The following UST variants were observed in gnomAD, a reference collection of about 807,000 sequenced individuals.
UST encodes uronyl 2-sulfotransferase.
UST carries 21 observed loss-of-function variants against 45.6 expected under a neutral mutation model. The ratio of observed to expected loss-of-function variants is 0.46; its 90% CI spans 0.33 to 0.66. UST has a LOEUF of 0.66. UST is among the 30% of genes least tolerant of loss of function. The pLI is 0.02. For missense variants in UST, 463 were observed against 512.4 expected (o/e 0.90, Z 0.93); for synonymous variants, 215 against 200.6 (o/e 1.07, Z -0.61).
chr6:148,943,339 A>G (rs551721149), intron 3 of UST, among the ~76,000 whole-genome samples: 1 of 152,318 alleles, frequency 6.6e-6, no homozygotes, highest in South Asian at 2.1e-4. Flanking sequence ...TAACTCAAGG[A>G]TTAGACATTG....
chr6:149,007,713 C>T (rs1775741355), intron 5 of UST, among the ~76,000 whole-genome samples: 3 of 151,960 alleles, frequency 2.0e-5, no homozygotes, highest in African/African-American at 4.8e-5. Context: ...CGTGAGCCAC[C>T]GCGCCCGACC....
chr6:148,993,440 A>ATCCT (rs141095805), intron 5 of UST, among the ~76,000 whole-genome samples: 4,674 of 152,302 alleles, frequency 0.031, 227 homozygotes, highest in African/African-American at 0.11. Context: ...CCAAACTAGC[A>ATCCT]TCCTTAGACT....
chr6:148,979,481 C>T (rs549087389), intron 5 of UST, among the ~76,000 whole-genome samples: 1 of 152,322 alleles, frequency 6.6e-6, no homozygotes, highest in African/African-American at 2.4e-5. Context: ...ATCTCCCTGA[C>T]TTCTGTTGAA....
intron 1 of UST, among the ~76,000 whole-genome samples, chr6:148,781,936 T>G (rs188757222): frequency 6.6e-5 from 10 of 152,356 alleles, no homozygotes; most frequent in Admixed American, 3.3e-4. Context: ...AGGTCACTGC[T>G]CATTGACAAT....
At position 148,800,713 on chromosome 6, in the gene UST, A is replaced by G. The variant is rs147542996; in HGVS notation, c.247+53036A>G. Among the ~76,000 whole-genome samples the G allele has an allele frequency of 4.0e-5, 6 of 151,590 alleles. No homozygotes were observed. In the East Asian group the frequency reaches 1.2e-3, roughly 29 times the overall value. ...TACTGTTTTGGTTGGCACAGAATGC[A>G]GCCTCCTCACCCACCCTCTTTTTGA... On this transcript the variant is annotated intron_variant, in intron 1 of 7. Coordinates refer to ENST00000367463, the MANE Select transcript of UST (RefSeq NM_005715.3).
At chr6:148,824,674 C>CTTTTTTTTTT in intron 1 of UST, among the ~76,000 whole-genome samples, 1 of 133,376 alleles carries the variant, frequency 7.5e-6, no homozygotes, top group Non-Finnish European at 1.6e-5. Context: ...TATTTTCTTT[C>CTTTTTTTTTT]TTTTTTTTTT....
chr6:148,795,135 C>T, intron 1 of UST, among the ~76,000 whole-genome samples: 1 of 152,172 alleles, frequency 6.6e-6, no homozygotes, highest in East Asian at 1.9e-4. Flanking sequence ...ATGATTTGTA[C>T]TATGTTTTTC....
At chr6:148,888,505 G>A (rs1778952464) in intron 2 of UST, among the ~76,000 whole-genome samples, 1 of 152,178 alleles carries the variant, frequency 6.6e-6, no homozygotes, top group Non-Finnish European at 1.5e-5. Context: ...GTGTGACAGT[G>A]GATGAATTAC....
intron 2 of UST, among the ~76,000 whole-genome samples, chr6:148,927,118 T>C (rs1014403647): frequency 6.6e-6 from 1 of 151,844 alleles, no homozygotes; most frequent in Non-Finnish European, 1.5e-5. Context: ...GTCCCCGTTA[T>C]GTATTGAGCT....
chr6:148,829,140 GGGATGGATGGATGGAT>G (rs61564934), intron 1 of UST, among the ~76,000 whole-genome samples: 12 of 149,370 alleles, frequency 8.0e-5, no homozygotes, highest in South Asian at 4.4e-4. Context: ...GTTAAGCCCT[GGGATGGATGGATGGAT>G]GGATGGATGG....
At chr6:148,960,122 C>G (rs1478918089) in intron 4 of UST, among the ~76,000 whole-genome samples, 1 of 152,084 alleles carries the variant, frequency 6.6e-6, no homozygotes, top group African/African-American at 2.4e-5. Flanking sequence ...AACCCCATCT[C>G]TACTAAAAAT....
chr6:148,908,118 A>G (rs1385562922), intron 2 of UST, among the ~76,000 whole-genome samples: 1 of 152,086 alleles, frequency 6.6e-6, no homozygotes, highest in Non-Finnish European at 1.5e-5. Context: ...CATGTTGGCC[A>G]GGTTGGTCTC....
At chr6:148,930,885 C>T (rs1214882650) in intron 2 of UST, among the ~76,000 whole-genome samples, 1 of 152,224 alleles carries the variant, frequency 6.6e-6, no homozygotes, top group East Asian at 1.9e-4. Context: ...GTACAATTCA[C>T]ACTCAAGAAA....
At chr6:148,998,330 A>G (rs983885105) in intron 5 of UST, among the ~76,000 whole-genome samples, 1 of 152,196 alleles carries the variant, frequency 6.6e-6, no homozygotes, top group Non-Finnish European at 1.5e-5. Context: ...GACGTGGACT[A>G]TGCTGTGGGC....
intron 5 of UST, among the ~76,000 whole-genome samples, chr6:148,975,375 T>C (rs2114973165): frequency 6.6e-6 from 1 of 152,298 alleles, no homozygotes; most frequent in Middle Eastern, 3.4e-3. Flanking sequence ...CGAGGATGTG[T>C]GGAGCTCCAA....
At chr6:148,751,999 T>TTATGGG (rs1246961310) in intron 1 of UST, among the ~76,000 whole-genome samples, 8 of 152,222 alleles carry the variant, frequency 5.3e-5, no homozygotes, top group Admixed American at 1.3e-4. Flanking sequence ...GATTTAGACT[T>TTATGGG]TATGGGAGCT....
intron 1 of UST, among the ~76,000 whole-genome samples, chr6:148,818,229 G>A (rs567302264): frequency 2.7e-5 from 4 of 150,030 alleles, no homozygotes; most frequent in East Asian, 3.9e-4. Flanking sequence ...TGCAGTCGAC[G>A]ATGTGTCTTA....
chr6:148,910,375 G>T (rs1343996126), intron 2 of UST, among the ~76,000 whole-genome samples: 1 of 152,156 alleles, frequency 6.6e-6, no homozygotes, highest in East Asian at 1.9e-4. Flanking sequence ...CCCGACCTCA[G>T]GTGATCCGCC....
intron 7 of UST, among the ~76,000 whole-genome samples, chr6:149,030,477 C>A (rs1181723563): frequency 6.8e-5 from 10 of 147,740 alleles, no homozygotes; most frequent in African/African-American, 9.9e-5. Flanking sequence ...CTGTTTCTAC[C>A]AAAAAAAAAA....
Sources: gnomAD v4.1 joint callset for allele counts (sites outside exome capture counted in the v4.1 genomes callset) on GRCh38, gnomAD v4.1.1 for gene constraint, MANE v1.5 for transcripts, NCBI Gene and HGNC (gene_info 2026-07-23, HGNC 2026-07-21) for gene names.